Variants in NTRK2 observed in about 807,000 individuals in gnomAD.
NTRK2 encodes the protein BDNF/NT-3 growth factors receptor.
NTRK2 carries 13 observed loss-of-function variants against 94.5 expected under a neutral mutation model. The ratio of observed to expected loss-of-function variants is 0.14; its 90% CI spans 0.09 to 0.22. The LOEUF (loss-of-function observed/expected upper bound fraction) is 0.22, where lower values mean the gene tolerates loss of function less well. Ranked by LOEUF, NTRK2 falls within the 10% of genes least tolerant of loss-of-function variation. The pLI, the probability that NTRK2 is intolerant of heterozygous loss-of-function variation, is 1.00. For missense variants in NTRK2, 639 were observed against 1,071.2 expected (o/e 0.60, Z 5.63); for synonymous variants, 372 against 407.4 (o/e 0.91, Z 1.05).
chr9:84,965,363 C>G (rs150364433), intron 17 of NTRK2, among the ~76,000 whole-genome samples: 1 of 152,288 alleles, frequency 6.6e-6, no homozygotes, highest in Non-Finnish European at 1.5e-5. Flanking sequence ...AGGAAAACCA[C>G]ACGTGTCCTG....
rs2132979597 is a variant in NTRK2, at chr9:84,955,505, T to C, written c.2160T>C (p.Thr720=). ...DFGMSRDVYS[T]DYYRVGGHTM... Reference sequence around the variant, plus strand: ...GGATGTCCCGGGACGTGTACAGCACTGACTACTACAGGGTGAGTAGCTGTG... The same window carrying C: ...GGATGTCCCGGGACGTGTACAGCACCGACTACTACAGGGTGAGTAGCTGTG... Residue 720 remains threonine, a synonymous_variant, in exon 17 of 19, where the codon ACT becomes ACC. Coordinates refer to ENST00000277120, the MANE Select transcript of NTRK2 (RefSeq NM_006180.6). The C allele has an allele frequency of 3.1e-6, 5 of 1,613,602 alleles. No homozygotes were observed. The highest frequency in any genetic ancestry group is 4.2e-6 in the Non-Finnish European group (5 of 1,179,504).
At chr9:84,735,121 G>A (rs1013691816) in intron 9 of NTRK2, among the ~76,000 whole-genome samples, 21 of 152,082 alleles carry the variant, frequency 1.4e-4, no homozygotes, top group African/African-American at 4.8e-4. Flanking sequence ...TTTTTGCTGA[G>A]TGCAGTGGAT....
intron 17 of NTRK2, among the ~76,000 whole-genome samples, chr9:85,012,310 C>T (rs1389284635): frequency 6.6e-6 from 1 of 152,008 alleles, no homozygotes; most frequent in Non-Finnish European, 1.5e-5. Flanking sequence ...TTAAGGAAGG[C>T]TCATTGAAGT....
intron 2 of NTRK2, among the ~76,000 whole-genome samples, chr9:84,674,810 A>ACAGGG (rs2058931805): frequency 2.0e-5 from 3 of 152,170 alleles, no homozygotes; most frequent in Non-Finnish European, 2.9e-5. Flanking sequence ...TCTCTGCAAT[A>ACAGGG]TGGACACTTT....
At chr9:84,868,230 A>G (rs2075684506) in intron 14 of NTRK2, among the ~76,000 whole-genome samples, 1 of 152,146 alleles carries the variant, frequency 6.6e-6, no homozygotes, top group Non-Finnish European at 1.5e-5. Context: ...GATCCCAGAG[A>G]TTCCCTGCCA....
chr9:84,814,465 T>C (rs1054544527), intron 12 of NTRK2: 2 of 1,066,024 alleles, frequency 1.9e-6, no homozygotes, highest in African/African-American at 1.6e-5. Flanking sequence ...TCTCTAGTAT[T>C]CTAAACTGAC....
chr9:84,978,458 TGA>T (rs1827178320), intron 17 of NTRK2, among the ~76,000 whole-genome samples: 1 of 152,150 alleles, frequency 6.6e-6, no homozygotes, highest in African/African-American at 2.4e-5. Flanking sequence ...CTGTGAAGGC[TGA>T]GAGAGGAGAG....
intron 14 of NTRK2, among the ~76,000 whole-genome samples, chr9:84,922,503 G>T (rs1171128064): frequency 2.0e-5 from 3 of 152,258 alleles, no homozygotes; most frequent in Non-Finnish European, 2.9e-5. Flanking sequence ...TTGAGCAAAA[G>T]AATCATTTTC....
rs369280538 is a variant in NTRK2, at chr9:84,714,019, C to G, written c.583+3228C>G. Among the ~76,000 whole-genome samples the G allele has an allele frequency of 1.4e-4, 22 of 151,962 alleles. No homozygotes were observed. The South Asian group carries it at 3.5e-3, about 24-fold the overall frequency. Reference sequence around the variant, plus strand: ...TCCATTTATTCTTTCATTCAGGAATCGACATTGGATAGATATTTACACTTT... The same window carrying G: ...TCCATTTATTCTTTCATTCAGGAATGGACATTGGATAGATATTTACACTTT... On this transcript the variant is annotated intron_variant, in intron 6 of 18. Coordinates refer to ENST00000277120, the MANE Select transcript of NTRK2 (RefSeq NM_006180.6).
chr9:84,834,928 G>C (rs1409405583), intron 12 of NTRK2, among the ~76,000 whole-genome samples: 1 of 152,186 alleles, frequency 6.6e-6, no homozygotes, highest in Non-Finnish European at 1.5e-5. Context: ...TCCAGCTCAT[G>C]CAACAAAACA....
At chr9:84,906,443 T>C (rs147124428) in intron 14 of NTRK2, among the ~76,000 whole-genome samples, 1 of 152,248 alleles carries the variant, frequency 6.6e-6, no homozygotes, top group Non-Finnish European at 1.5e-5. Flanking sequence ...AGCAGAGCAG[T>C]GGGAGCGAGC....
At chr9:84,965,385 C>T (rs942718840) in intron 17 of NTRK2, among the ~76,000 whole-genome samples, 13 of 152,068 alleles carry the variant, frequency 8.5e-5, no homozygotes, top group South Asian at 4.1e-4. Flanking sequence ...GGAGAAGAGA[C>T]GTAAATGAAT....
At position 85,020,199 on chromosome 9, in the gene NTRK2, TC is replaced by T. The variant is rs1442849861; in HGVS notation, c.2173-3del. 12 of 1,614,014 alleles carry T rather than the reference TC, an allele frequency of 7.4e-6. No individual in the cohort carries two copies. Among genetic ancestry groups the T allele is most frequent in the Admixed American group, 3.3e-5 (2 of 60,014 alleles). Reference sequence around the variant, plus strand: ...TGATGCCTCCCTGTTGATCCCTTTCTCCCCAGGTCGGTGGCCACACAATGCT... The same window carrying T: ...TGATGCCTCCCTGTTGATCCCTTTCTCCCAGGTCGGTGGCCACACAATGCT... On this transcript the variant is annotated splice_region_variant and splice_polypyrimidine_tract_variant and intron_variant, in intron 17 of 18. Transcript: ENST00000277120.
At chr9:84,747,030 G>A (rs779634916) in intron 11 of NTRK2, among the ~76,000 whole-genome samples, 18 of 152,156 alleles carry the variant, frequency 1.2e-4, no homozygotes, top group Non-Finnish European at 2.1e-4. Context: ...GACTTGCAGT[G>A]AACAGTATAG....
At chr9:84,768,912 AT>A (rs1402400676) in intron 12 of NTRK2, among the ~76,000 whole-genome samples, 1 of 152,168 alleles carries the variant, frequency 6.6e-6, no homozygotes, top group Non-Finnish European at 1.5e-5. Flanking sequence ...GGTGATAGAC[AT>A]CCCCTGCGGG....
At chr9:84,873,540 T>G in intron 14 of NTRK2, 1 of 1,052,312 alleles carries the variant, frequency 9.5e-7, no homozygotes, top group Non-Finnish European at 1.1e-6. Flanking sequence ...TGATATCATA[T>G]TCCCTTTTCA....
chr9:84,899,821 G>A (rs547004850), intron 14 of NTRK2, among the ~76,000 whole-genome samples: 1 of 152,250 alleles, frequency 6.6e-6, no homozygotes, highest in East Asian at 1.9e-4. Flanking sequence ...GGAGCAGAGT[G>A]GACTCCCCAC....
chr9:84,974,220 T>C (rs1487971266), intron 17 of NTRK2, among the ~76,000 whole-genome samples: 2 of 152,222 alleles, frequency 1.3e-5, no homozygotes, highest in East Asian at 1.9e-4. Context: ...TAACAGTGTC[T>C]GAACCCCACG....
At chr9:84,731,535 C>T (rs1310503467) in intron 9 of NTRK2, among the ~76,000 whole-genome samples, 2 of 152,118 alleles carry the variant, frequency 1.3e-5, no homozygotes, top group South Asian at 2.1e-4. Context: ...AGAATAAAGA[C>T]TATTGAAAGA....
Sources: allele counts gnomAD v4.1 joint callset (sites outside exome capture counted in the v4.1 genomes callset), GRCh38; gene constraint gnomAD v4.1.1; transcripts MANE v1.5; gene names NCBI Gene and HGNC (gene_info 2026-07-23, HGNC 2026-07-21).